The following PREPL variants were observed in gnomAD, a reference collection of about 807,000 sequenced individuals.
PREPL encodes the protein prolyl endopeptidase like.
Under a neutral mutation model 70.6 loss-of-function variants are expected in PREPL, and 77 were observed. The observed-to-expected ratio is 1.09, with a 90% CI of 0.91 to 1.32. The LOEUF (loss-of-function observed/expected upper bound fraction) is 1.32, where lower values mean the gene tolerates loss of function less well. Among genes scored for constraint, PREPL ranks in the 40% most tolerant of loss-of-function variants. The pLI is 0.00. For synonymous variants in PREPL, 315 were observed against 264.8 expected, an observed-to-expected ratio of 1.19 and a Z score of -1.84; for missense variants, 1,002 against 778.2, an observed-to-expected ratio of 1.29 and a Z score of -3.42.
Position 44,320,382 on chromosome 2 carries a change from G to A in PREPL, c.*974C>T. On this transcript the variant is annotated 3_prime_UTR_variant, in exon 14 of 14. Coordinates refer to ENST00000409411, the MANE Select transcript of PREPL (RefSeq NM_001171613.2). The stretch of plus-strand genomic sequence containing the variant: ...CTTTATCGTGGTTCTGAATTTTGGA[G>A]AATCAACACTGTTAAATCTACATAA... 6.2e-7 allele frequency: 1 copy of A among 1,614,048 alleles called. No individual in the cohort carries two copies. Among genetic ancestry groups the A allele is most frequent in the Non-Finnish European group, 8.5e-7 (1 of 1,179,944 alleles).
At chr2:44,340,556 A>T (rs1296337295) in intron 5 of PREPL, among the ~76,000 whole-genome samples, 2 of 152,164 alleles carry the variant, frequency 1.3e-5, no homozygotes, top group African/African-American at 4.8e-5. Flanking sequence ...GTCAATCGTT[A>T]TTTCTTTTGT....
At position 44,318,380 on chromosome 2, in the gene PREPL, C is replaced by T. The variant is rs1055413319; in HGVS notation, c.*2976G>A. 2 of 178,460 alleles carry T rather than the reference C, an allele frequency of 1.1e-5. No individual in the cohort carries two copies. Among genetic ancestry groups the T allele is most frequent in the African/African-American group, 4.8e-5 (2 of 41,642 alleles). 11.1% of individuals were successfully genotyped at this position (178,460 alleles called of 1,614,324 possible). On this transcript the variant is annotated 3_prime_UTR_variant, in exon 14 of 14. Coordinates refer to ENST00000409411, the MANE Select transcript of PREPL (RefSeq NM_001171613.2). ...TGCTAGGATTACGGGCCTGAGCCAC[C>T]TTGCCTGGCCTGCAAAATTTGTTTT... is the stretch of plus-strand genomic sequence containing the variant.
chr2:44,354,451 G>A (rs956948349), intron 1 of PREPL, among the ~76,000 whole-genome samples: 1 of 152,098 alleles, frequency 6.6e-6, no homozygotes, highest in Non-Finnish European at 1.5e-5. Flanking sequence ...TAAATATAGT[G>A]ATTTGACTCC....
chr2:44,320,112 G>A lies in PREPL; in HGVS notation c.*1244C>T, dbSNP rs1672796843. On this transcript the variant is annotated 3_prime_UTR_variant, in exon 14 of 14. Transcript: ENST00000409411. Reference sequence around the variant, plus strand: ...GGCAAAATTGGAGCAAGTGTTTTGGGTAAATAACTCCTTACAATATATTAA... The same window carrying A: ...GGCAAAATTGGAGCAAGTGTTTTGGATAAATAACTCCTTACAATATATTAA... 4.1e-6 allele frequency: 5 copies of A among 1,218,328 alleles called. No individual in the cohort carries two copies. In the Admixed American group the frequency reaches 6.8e-5, roughly 17 times the overall value. 75.5% of individuals were successfully genotyped at this position (1,218,328 alleles called of 1,614,324 possible).
At position 44,328,970 on chromosome 2, in the gene PREPL, T is replaced by TC; in HGVS notation, c.1228dup (p.Asp410GlyfsTer2). The TC allele has an allele frequency of 6.2e-7, 1 of 1,613,862 alleles. No individual in the cohort carries two copies. Among genetic ancestry groups the TC allele is most frequent in the Admixed American group, 1.7e-5 (1 of 59,986 alleles). On this transcript the variant is annotated frameshift_variant, in exon 9 of 14. Coordinates refer to ENST00000409411, the MANE Select transcript of PREPL (RefSeq NM_001171613.2). LOFTEE classifies it high-confidence loss of function. Reference sequence around the variant, plus strand: ...GCAGTATGCTAATATCCATCCATCATCCACCAGGACCCGCCTCTCAGGCCT... The same window carrying TC: ...GCAGTATGCTAATATCCATCCATCATCCCACCAGGACCCGCCTCTCAGGCCT...
At chr2:44,344,733 G>A in intron 2 of PREPL, 147 bp from the exon 3 acceptor site, 1 of 551,638 alleles carries the variant, frequency 1.8e-6, no homozygotes, top group Non-Finnish European at 3.1e-6. Flanking sequence ...ATATAAAATT[G>A]ACCATTTTTA....
Position 44,320,133 on chromosome 2 carries a change from A to T in PREPL, c.*1223T>A, listed in dbSNP as rs999286939. 5.7e-6 allele frequency: 8 copies of T among 1,403,474 alleles called. No homozygotes were observed. Among genetic ancestry groups the T allele is most frequent in the Non-Finnish European group, 7.9e-6 (8 of 1,017,256 alleles). The allele number at this position is 1,403,474 out of a possible 1,614,324, so 86.9% of individuals were successfully genotyped here. On this transcript the variant is annotated 3_prime_UTR_variant, in exon 14 of 14. Transcript: ENST00000409411. ...TTGGGTAAATAACTCCTTACAATATATTAAAAATACTTACAAACAATTCTT... is the reference window on the plus strand; with the variant it reads ...TTGGGTAAATAACTCCTTACAATATTTTAAAAATACTTACAAACAATTCTT...
rs140051907 is a variant in PREPL at position 44,349,715 on chromosome 2, G to A, written c.-48-3325C>T. Among the ~76,000 whole-genome samples the A allele has an allele frequency of 2.8e-3, 431 of 152,110 alleles. 1 individual carries two copies. Among genetic ancestry groups the A allele is most frequent in the Middle Eastern group, 0.027 (8 of 294 alleles). ...CGCGGTGGCTCACGCCTGTAATCTC[G>A]GCACTTCGGGAGGCCAAGGCGGGTG... is the stretch of plus-strand genomic sequence containing the variant. On this transcript the variant is annotated intron_variant, in intron 1 of 13. Transcript: ENST00000409411.
At chr2:44,345,568 GA>G (rs1156781730) in intron 2 of PREPL, among the ~76,000 whole-genome samples, 1 of 151,962 alleles carries the variant, frequency 6.6e-6, no homozygotes, top group Non-Finnish European at 1.5e-5. Context: ...GGCTGGTCTT[GA>G]ACTCTTGACC....
chr2:44,326,221 T>A (rs1266895466), intron 10 of PREPL, among the ~76,000 whole-genome samples: 2 of 152,184 alleles, frequency 1.3e-5, no homozygotes, highest in Non-Finnish European at 2.9e-5. Flanking sequence ...TGGAAAGCCT[T>A]AAAGATAATA....
intron 1 of PREPL, among the ~76,000 whole-genome samples, chr2:44,348,345 C>T (rs1181620415): frequency 2.6e-5 from 4 of 152,164 alleles, no homozygotes; most frequent in African/African-American, 9.7e-5. Flanking sequence ...CTCATATCAC[C>T]ATCATAAGTC....
At chr2:44,350,110 A>T (rs1460067712) in intron 1 of PREPL, among the ~76,000 whole-genome samples, 1 of 152,222 alleles carries the variant, frequency 6.6e-6, no homozygotes, top group African/African-American at 2.4e-5. Flanking sequence ...TATAACCTTG[A>T]CATCAAAATT....
intron 12 of PREPL, among the ~76,000 whole-genome samples, chr2:44,322,378 T>A (rs1673060887): frequency 6.6e-6 from 1 of 152,212 alleles, no homozygotes; most frequent in South Asian, 2.1e-4. Flanking sequence ...AACAAAAATC[T>A]CAGAATCTGT....
At chr2:44,323,121 C>A in intron 11 of PREPL, 141 bp downstream of exon 11, 1 of 869,126 alleles carries the variant, frequency 1.2e-6, no homozygotes. Context: ...GGAGCATGAG[C>A]AGAGATGGTG....
chr2:44,329,050 T>C lies in PREPL; in HGVS notation c.1149A>G (p.Lys383=), dbSNP rs749497904. The C allele has an allele frequency of 2.2e-5, 35 of 1,612,608 alleles. No homozygotes were observed. The highest frequency in any genetic ancestry group is 2.8e-5 in the Non-Finnish European group (33 of 1,178,946). Residue 383 remains lysine (K), a synonymous_variant, in exon 9 of 14, where the codon AAA becomes AAG. Coordinates refer to ENST00000409411, the MANE Select transcript of PREPL (RefSeq NM_001171613.2). ...HKTDSEDLQK[K]PLLVHVYGAY... is the part of the protein sequence containing the mutation. The stretch of plus-strand genomic sequence containing the variant: ...CTCCATATACATGTACCAAGAGAGG[T>C]TTCTTCTGCAAGTCCTCAGAGTCAG...
chr2:44,346,233 C>G, intron 2 of PREPL, 35 bp downstream of exon 2: 1 of 1,574,876 alleles, frequency 6.3e-7, no homozygotes, highest in Non-Finnish European at 8.7e-7. Context: ...TTGGTAATAT[C>G]AAAAATTTTT....
chr2:44,322,011 G>C (rs879766794), intron 12 of PREPL, 111 bp from the exon 13 acceptor site: 63 of 1,132,390 alleles, frequency 5.6e-5, no homozygotes, highest in Non-Finnish European at 7.4e-5. Context: ...TAATAGTAAA[G>C]GAATAAAAAG....
rs1405419431 is a variant in PREPL at position 44,319,880 on chromosome 2, A to G, written c.*1476T>C. On this transcript the variant is annotated 3_prime_UTR_variant, in exon 14 of 14. Transcript: ENST00000409411. The stretch of plus-strand genomic sequence containing the variant: ...AGCACAGAATGACTATGCAAGTTAA[A>G]TATTCATCTTAGACATGGACATTTG... 4 of 292,460 alleles carry G rather than the reference A, an allele frequency of 1.4e-5. No individual in the cohort carries two copies. Among genetic ancestry groups the G allele is most frequent in the Non-Finnish European group, 2.6e-5 (4 of 154,116 alleles). The allele number at this position is 292,460 out of a possible 1,614,324, so 18.1% of individuals were successfully genotyped here. A position where few individuals can be genotyped will look rare whatever the true frequency, so the allele number is the denominator to read the frequency against.
chr2:44,334,401 C>CA (rs1558497522), intron 7 of PREPL, among the ~76,000 whole-genome samples: 2 of 151,988 alleles, frequency 1.3e-5, no homozygotes, highest in African/African-American at 2.4e-5. Flanking sequence ...TAGCATACAG[C>CA]AAAAAACGTC....
Sources: gnomAD v4.1 joint callset for allele counts (sites outside exome capture counted in the v4.1 genomes callset) on GRCh38, gnomAD v4.1.1 for gene constraint, MANE v1.5 for transcripts, NCBI Gene and HGNC (gene_info 2026-07-23, HGNC 2026-07-21) for gene names.